LBH: variants seen among roughly 807,000 people sequenced by gnomAD.
The protein encoded by LBH is protein LBH.
Under a neutral mutation model 12.5 loss-of-function variants are expected in LBH, and 7 were observed. The observed-to-expected ratio is 0.56, with a 90% CI of 0.32 to 1.05. The LOEUF (loss-of-function observed/expected upper bound fraction) is 1.05. LBH is among the 50% of genes least tolerant of loss of function. The pLI, the probability that LBH is intolerant of heterozygous loss-of-function variation, is 0.04. For missense variants in LBH, 119 were observed against 138.9 expected, an observed-to-expected ratio of 0.86 and a Z score of 0.72; for synonymous variants, 51 against 50.1, an observed-to-expected ratio of 1.02 and a Z score of -0.08.
chr2:30,242,029 G>A (rs1439565666), intron 2 of LBH, among the ~76,000 whole-genome samples: 1 of 151,952 alleles, frequency 6.6e-6, no homozygotes, highest in Non-Finnish European at 1.5e-5. Context: ...AACATAATTT[G>A]TCATTCAATT....
At chr2:30,244,351 C>T (rs1677839968) in intron 2 of LBH, among the ~76,000 whole-genome samples, 1 of 152,128 alleles carries the variant, frequency 6.6e-6, no homozygotes. Flanking sequence ...TATACTACTT[C>T]ACATTTTAAC....
At chr2:30,232,054 C>A (rs1677596276) in intron 1 of LBH, 2 of 1,432,326 alleles carry the variant, frequency 1.4e-6, no homozygotes, top group Non-Finnish European at 1.9e-6. Flanking sequence ...CGTGTGAATC[C>A]CCCCCAATGA....
chr2:30,255,695 A>G (rs11694679), intron 2 of LBH, among the ~76,000 whole-genome samples: 32,969 of 152,070 alleles, frequency 0.22, 4,271 homozygotes, highest in Middle Eastern at 0.31. Context: ...TTGGGTTGCA[A>G]TAAGACCGGG....
At chr2:30,234,251 T>C (rs1339156763) in intron 1 of LBH, 154 bp from the exon 2 acceptor site, 1 of 630,392 alleles carries the variant, frequency 1.6e-6, no homozygotes, top group African/African-American at 1.8e-5. Flanking sequence ...AGGCGCTTCC[T>C]CAGGGTGTGA....
intron 2 of LBH, among the ~76,000 whole-genome samples, chr2:30,250,223 C>T (rs550958516): frequency 1.3e-5 from 2 of 152,282 alleles, no homozygotes; most frequent in Non-Finnish European, 2.9e-5. Flanking sequence ...GTTTTGTCCA[C>T]AGTGCCTTAG....
chr2:30,254,809 G>T (rs564897476), intron 2 of LBH, among the ~76,000 whole-genome samples: 1 of 152,346 alleles, frequency 6.6e-6, no homozygotes, highest in Admixed American at 6.5e-5. Flanking sequence ...TCACAGGGCA[G>T]GTCCCCCTCT....
intron 1 of LBH, chr2:30,232,006 G>A (rs1677594979): frequency 2.7e-6 from 3 of 1,100,618 alleles, no homozygotes; most frequent in Non-Finnish European, 3.7e-6. Flanking sequence ...AGTGACGGCC[G>A]GAGGGTTTGT....
At chr2:30,238,173 G>C (rs756991522) in intron 2 of LBH, among the ~76,000 whole-genome samples, 1 of 152,174 alleles carries the variant, frequency 6.6e-6, no homozygotes, top group Non-Finnish European at 1.5e-5. Flanking sequence ...TCTGGGGAAG[G>C]GTCTTGGGAA....
At chr2:30,257,033 T>C (rs1678097638) in intron 2 of LBH, among the ~76,000 whole-genome samples, 1 of 152,270 alleles carries the variant, frequency 6.6e-6, no homozygotes. Context: ...AGGTACTTAA[T>C]GCTGTGGCAC....
intron 2 of LBH, among the ~76,000 whole-genome samples, chr2:30,256,044 C>T (rs1678078209): frequency 6.6e-6 from 1 of 152,208 alleles, no homozygotes; most frequent in African/African-American, 2.4e-5. Context: ...GCATCCCAGA[C>T]AGAGGCTTCT....
intron 2 of LBH, among the ~76,000 whole-genome samples, chr2:30,243,779 T>G (rs1677827955): frequency 6.6e-6 from 1 of 152,060 alleles, no homozygotes; most frequent in South Asian, 2.1e-4. Context: ...TCCACCTGCC[T>G]CAGCCTCCCA....
At chr2:30,240,346 C>T (rs1355642122) in intron 2 of LBH, among the ~76,000 whole-genome samples, 2 of 152,122 alleles carry the variant, frequency 1.3e-5, no homozygotes, top group African/African-American at 2.4e-5. Flanking sequence ...GTTTGGGTGG[C>T]GAATGTTGTG....
intron 2 of LBH, among the ~76,000 whole-genome samples, chr2:30,238,199 C>T (rs1161382048): frequency 6.6e-6 from 1 of 152,310 alleles, no homozygotes; most frequent in South Asian, 2.1e-4. Flanking sequence ...CTGTGGGCAC[C>T]GACACTGCCT....
intron 2 of LBH, among the ~76,000 whole-genome samples, chr2:30,250,240 A>G (rs1243272889): frequency 1.3e-5 from 2 of 152,120 alleles, no homozygotes; most frequent in African/African-American, 4.8e-5. Flanking sequence ...TTAGGGAGCT[A>G]GCCTGGTTAT....
intron 2 of LBH, among the ~76,000 whole-genome samples, chr2:30,240,457 C>T (rs1037020875): frequency 3.3e-5 from 5 of 152,142 alleles, no homozygotes; most frequent in African/African-American, 4.8e-5. Flanking sequence ...AAGACAGGCC[C>T]TCATTCACAC....
At chr2:30,257,269 C>A (rs1678101727) in intron 2 of LBH, among the ~76,000 whole-genome samples, 164 bp from the exon 3 acceptor site, 2 of 152,228 alleles carry the variant, frequency 1.3e-5, no homozygotes, top group Non-Finnish European at 2.9e-5. Context: ...CCAGAATATT[C>A]TCCCGTGGCT....
At chr2:30,251,290 T>C (rs1398003115) in intron 2 of LBH, among the ~76,000 whole-genome samples, 2 of 152,096 alleles carry the variant, frequency 1.3e-5, no homozygotes, top group African/African-American at 4.8e-5. Context: ...ACAGCGCAGA[T>C]AGAGAACATT....
intron 2 of LBH, among the ~76,000 whole-genome samples, chr2:30,243,080 G>A (rs1041729950): frequency 6.6e-6 from 1 of 152,212 alleles, no homozygotes; most frequent in Non-Finnish European, 1.5e-5. Flanking sequence ...TAATGGTAGA[G>A]CTTTTTGGAT....
Position 30,231,757 on chromosome 2 carries a change from A to T in LBH, c.19A>T (p.Ile7Phe), listed in dbSNP as rs139268416. The T allele has an allele frequency of 6.3e-7, 1 of 1,580,668 alleles. No individual in the cohort carries two copies. The highest frequency in any genetic ancestry group is 1.8e-5 in the Admixed American group (1 of 55,946). ...GGACTTCATGTCTATATATTTCCCC[A>T]TTCACTGGTGAGTACCCTGCGCCTG... is the stretch of plus-strand genomic sequence containing the variant. MSIYFPIHCPDYLRSAK... is the reference protein window; with the variant it reads MSIYFPFHCPDYLRSAK... The change falls in exon 1 of 3, where the codon ATT becomes TTT. Residue 7 changes from isoleucine to phenylalanine, a missense_variant. Coordinates refer to ENST00000395323, the MANE Select transcript of LBH (RefSeq NM_030915.4).
Sources: allele counts gnomAD v4.1 joint callset (sites outside exome capture counted in the v4.1 genomes callset), GRCh38; gene constraint gnomAD v4.1.1; transcripts MANE v1.5; gene names NCBI Gene and HGNC (gene_info 2026-07-23, HGNC 2026-07-21).